Variants in IGSF10 observed in about 807,000 individuals in gnomAD.
IGSF10 encodes calvaria mechanical force protein 608.
Under a neutral mutation model 128.2 loss-of-function variants are expected in IGSF10, and 126 were observed. That is an observed-to-expected ratio of 0.98 (90% CI 0.85 to 1.14). IGSF10 has a LOEUF of 1.14. Ranked by LOEUF, IGSF10 falls within the 50% of genes most tolerant of loss-of-function variation. The pLI is 0.00. For missense variants in IGSF10, 3,295 were observed against 3,149.8 expected, an observed-to-expected ratio of 1.05 and a Z score of -1.10; for synonymous variants, 1,185 against 1,146.2, an observed-to-expected ratio of 1.03 and a Z score of -0.68.
the IGSF10 span, among the ~76,000 whole-genome samples, chr3:151,486,090 C>G: frequency 6.6e-6 from 1 of 151,952 alleles, no homozygotes; most frequent in Non-Finnish European, 1.5e-5. Flanking sequence ...TAGGCTCAAA[C>G]TAAAGGGATG....
chr3:151,522,735 G>T, the IGSF10 span, among the ~76,000 whole-genome samples: 1 of 152,122 alleles, frequency 6.6e-6, no homozygotes, highest in Non-Finnish European at 1.5e-5. Flanking sequence ...ACATTATACT[G>T]AATGGGCAAA....
chr3:151,484,501 C>T, the IGSF10 span, among the ~76,000 whole-genome samples: 3 of 152,170 alleles, frequency 2.0e-5, no homozygotes, highest in African/African-American at 7.2e-5. Flanking sequence ...TGTATCCTGA[C>T]TGGGAGACAC....
Position 151,458,527 on chromosome 3 carries a change from G to A in IGSF10, c.183C>T (p.Arg61=), listed in dbSNP as rs1243675261. The A allele has an allele frequency of 2.5e-6, 4 of 1,612,856 alleles. No individual in the cohort carries two copies. The highest frequency in any genetic ancestry group is 2.2e-5 in the East Asian group (1 of 44,878). Residue 61 remains arginine (R), a synonymous_variant, in exon 3 of 8, where the codon CGC becomes CGT. Coordinates refer to ENST00000282466, the MANE Select transcript of IGSF10 (RefSeq NM_178822.5). ...IPDSIPPNVE[R]INLGYNSLVR... ...GAGGTCTCACACACCCTAAATTGAT[G>A]CGTTCCACATTGGGCGGGATGCTGT...
the IGSF10 span, among the ~76,000 whole-genome samples, chr3:151,477,000 G>A: frequency 6.6e-6 from 1 of 152,180 alleles, no homozygotes; most frequent in Non-Finnish European, 1.5e-5. Flanking sequence ...CACAGTGTCT[G>A]GTTAGGCCAT....
the IGSF10 span, among the ~76,000 whole-genome samples, chr3:151,601,433 G>A: frequency 1.3e-5 from 2 of 151,956 alleles, no homozygotes; most frequent in South Asian, 4.2e-4. Flanking sequence ...AAGTACACAC[G>A]CACACACACA....
chr3:151,585,741 T>A, the IGSF10 span, among the ~76,000 whole-genome samples: 3 of 152,250 alleles, frequency 2.0e-5, no homozygotes, highest in South Asian at 6.2e-4. Context: ...TAATATATTT[T>A]ATTTGTTTTT....
chr3:151,445,993 T>C lies in IGSF10; in HGVS notation c.3988A>G (p.Ile1330Val), dbSNP rs1356960877. The change falls in exon 6 of 8, where the codon ATC (isoleucine) becomes GTC (valine). Residue 1330 changes from isoleucine to valine, a missense_variant. Physicochemically the swap from Ile to Val is conservative, Grantham distance 29. Transcript: ENST00000282466. ...ATTPTFPASV[I>V]TYETQTERSR... ...CTCTCTGTTTGGGTTTCATAAGTGATGACAGATGCAGGGAAGGTAGGAGTT... is the reference window on the plus strand; with the variant it reads ...CTCTCTGTTTGGGTTTCATAAGTGACGACAGATGCAGGGAAGGTAGGAGTT... 2 of 1,614,224 alleles carry C rather than the reference T, an allele frequency of 1.2e-6. No homozygotes were observed. The highest frequency in any genetic ancestry group is 1.7e-5 in the Admixed American group (1 of 60,026).
the IGSF10 span, among the ~76,000 whole-genome samples, chr3:151,586,370 G>A: frequency 6.6e-6 from 1 of 152,016 alleles, no homozygotes; most frequent in South Asian, 2.1e-4. Context: ...TACCTTGCTA[G>A]TATTTCATCA....
the IGSF10 span, among the ~76,000 whole-genome samples, chr3:151,590,110 C>T: frequency 6.6e-6 from 1 of 152,084 alleles, no homozygotes; most frequent in Non-Finnish European, 1.5e-5. Context: ...GCAGTCATGG[C>T]TCACTGCAGC....
At chr3:151,523,881 G>C in the IGSF10 span, among the ~76,000 whole-genome samples, 1 of 152,002 alleles carries the variant, frequency 6.6e-6, no homozygotes, top group African/African-American at 2.4e-5. Context: ...ACCTACAGAA[G>C]GGGAGAAAAT....
chr3:151,562,665 A>T, the IGSF10 span, among the ~76,000 whole-genome samples: 2 of 151,974 alleles, frequency 1.3e-5, no homozygotes, highest in Non-Finnish European at 2.9e-5. Context: ...GGATTACACA[A>T]CTTGTTAGTA....
chr3:151,466,511 C>T, the IGSF10 span, among the ~76,000 whole-genome samples: 1 of 152,186 alleles, frequency 6.6e-6, no homozygotes, highest in African/African-American at 2.4e-5. Context: ...TGGGACTCCA[C>T]CTTCTGGAAC....
At position 151,444,422 on chromosome 3, in the gene IGSF10, C is replaced by T. The variant is rs77338094; in HGVS notation, c.5062+497G>A. Among the ~76,000 whole-genome samples the T allele has an allele frequency of 2.9e-3, 444 of 152,304 alleles. 5 individuals are homozygous for T. The East Asian group carries it at 0.045, about 15-fold the overall frequency. ...TCCCAGGTTCGAGCAATTCTTCTGT[C>T]TCAGCCTCCCGAGTAGCTGGGACTA... On this transcript the variant is annotated intron_variant, in intron 6 of 7. Coordinates refer to ENST00000282466, the MANE Select transcript of IGSF10 (RefSeq NM_178822.5).
chr3:151,531,593 TAATGA>T, the IGSF10 span, among the ~76,000 whole-genome samples: 1 of 152,042 alleles, frequency 6.6e-6, no homozygotes, highest in Non-Finnish European at 1.5e-5. Context: ...TACTGGTAAA[TAATGA>T]AATGAAGACA....
chr3:151,570,452 T>C, the IGSF10 span, among the ~76,000 whole-genome samples: 18 of 152,340 alleles, frequency 1.2e-4, no homozygotes, highest in African/African-American at 4.1e-4. Flanking sequence ...TGGTATCTCA[T>C]TGTGGTTTTG....
At chr3:151,547,032 C>G in the IGSF10 span, among the ~76,000 whole-genome samples, 1 of 152,144 alleles carries the variant, frequency 6.6e-6, no homozygotes, top group Non-Finnish European at 1.5e-5. Context: ...CTTGGCCTCC[C>G]AAAGTGCTGG....
chr3:151,615,789 G>A, the IGSF10 span, among the ~76,000 whole-genome samples: 9 of 152,022 alleles, frequency 5.9e-5, no homozygotes, highest in African/African-American at 2.2e-4. Context: ...TCCTTTTTAG[G>A]ATAAAGATAG....
chr3:151,520,709 T>C, the IGSF10 span, among the ~76,000 whole-genome samples: 2 of 151,820 alleles, frequency 1.3e-5, no homozygotes, highest in Non-Finnish European at 2.9e-5. Context: ...CCACACCTAC[T>C]TACAAGAGAT....
chr3:151,450,235 A>G (rs1721446804), intron 5 of IGSF10, among the ~76,000 whole-genome samples: 1 of 152,262 alleles, frequency 6.6e-6, no homozygotes, highest in South Asian at 2.1e-4. Flanking sequence ...GGTCACTGGA[A>G]TACTTGGTAA....
Sources: allele counts gnomAD v4.1 joint callset (sites outside exome capture counted in the v4.1 genomes callset), GRCh38; gene constraint gnomAD v4.1.1; transcripts MANE v1.5; gene names NCBI Gene and HGNC (gene_info 2026-07-23, HGNC 2026-07-21).